The following MROH1 variants were observed in gnomAD, a reference collection of about 807,000 sequenced individuals.
The protein encoded by MROH1 is maestro heat like repeat family member 1.
A neutral mutation model predicts 116.5 loss-of-function variants in MROH1; 117 were observed. The ratio of observed to expected loss-of-function variants is 1.00; its 90% confidence interval spans 0.86 to 1.17. The LOEUF is 1.17. Ranked by LOEUF, MROH1 falls within the 50% of genes most tolerant of loss-of-function variation. MROH1 has a pLI of 0.00. For synonymous variants in MROH1, 921 were observed against 583.9 expected, an observed-to-expected ratio of 1.58 and a Z score of -8.32; for missense variants, 1,873 against 1,338.5, an observed-to-expected ratio of 1.40 and a Z score of -6.23.
At chr8:144,228,437 G>A (rs918833182) in intron 14 of MROH1, among the ~76,000 whole-genome samples, 4 of 152,174 alleles carry the variant, frequency 2.6e-5, no homozygotes, top group East Asian at 1.9e-4. Flanking sequence ...GATCAGGGCG[G>A]TGGTTGCTGA....
chr8:144,224,780 C>G (rs1228367888), intron 14 of MROH1, among the ~76,000 whole-genome samples: 1 of 152,120 alleles, frequency 6.6e-6, no homozygotes, highest in Non-Finnish European at 1.5e-5. Flanking sequence ...AGGGGGTGAG[C>G]GGCAGCGGCA....
At chr8:144,237,640 G>C (rs1189255835) in intron 14 of MROH1, among the ~76,000 whole-genome samples, 1 of 152,162 alleles carries the variant, frequency 6.6e-6, no homozygotes, top group African/African-American at 2.4e-5. Context: ...TCGGCAGCCT[G>C]TTCTTCCAAG....
chr8:144,239,624 C>A lies in MROH1; in HGVS notation c.1643C>A (p.Ser548Tyr). ...AVTGRLLVVS[S>Y]SPYLGDGRGA... ...GCTGCCTCTTTTCAGGTTGTGTCTT[C>A]CAGCCCCTACCTAGGGGACGGACGT... The change falls in exon 18 of 44, where the codon TCC becomes TAC. Residue 548 changes from serine to tyrosine, a missense_variant. Physicochemically the swap from Ser to Tyr is moderately radical, Grantham distance 144 (BLOSUM62 -2). Coordinates refer to ENST00000326134, the MANE Select transcript of MROH1 (RefSeq NM_032450.3). 1 of 771,622 alleles carries A rather than the reference C, an allele frequency of 1.3e-6. No homozygotes were observed. The highest frequency in any genetic ancestry group is 2.4e-5 in the East Asian group (1 of 40,926). The allele number at this position is 771,622 out of a possible 1,614,324, so 47.8% of individuals were successfully genotyped here.
rs1046890486 is a variant in MROH1, at chr8:144,174,834, A to G, written c.169-4621A>G. ...TCCTATGCCTTTTTCATGGGTTCCT[A>G]TGTTTTCCAGTTGCATAACCCATTG... On this transcript the variant is annotated intron_variant, in intron 4 of 43. Coordinates refer to ENST00000326134, the MANE Select transcript of MROH1 (RefSeq NM_032450.3). 1.7e-5 allele frequency: 17 copies of G among 984,986 alleles called. No homozygotes were observed. The African/African-American group carries it at 2.3e-4, about 13-fold the overall frequency. 61.0% of individuals were successfully genotyped at this position (984,986 alleles called of 1,614,324 possible). A position where few individuals can be genotyped will look rare whatever the true frequency, so the allele number is the denominator to read the frequency against.
At position 144,181,504 on chromosome 8, in the gene MROH1, C is replaced by A. The variant is rs546981756; in HGVS notation, c.562+981C>A. Reference sequence around the variant, plus strand: ...CCTGCCACCCTCTCCTCAGCCCTTGCGCTCCGTCTCTCCTGGCCCTGCTCT... The same window carrying A: ...CCTGCCACCCTCTCCTCAGCCCTTGAGCTCCGTCTCTCCTGGCCCTGCTCT... On this transcript the variant is annotated intron_variant, in intron 7 of 43. Coordinates refer to ENST00000326134, the MANE Select transcript of MROH1 (RefSeq NM_032450.3). Among the ~76,000 whole-genome samples, 3 of 152,290 alleles carry A rather than the reference C, an allele frequency of 2.0e-5. No homozygotes were observed. In the South Asian group the frequency reaches 6.2e-4, roughly 32 times the overall value.
intron 20 of MROH1, 146 bp downstream of exon 20, chr8:144,240,823 G>A (rs1300838965): frequency 1.8e-5 from 12 of 678,060 alleles, no homozygotes; most frequent in Non-Finnish European, 3.0e-5. Context: ...CCAGGAGTGC[G>A]AGAGCCCACC....
At position 144,182,017 on chromosome 8, in the gene MROH1, G is replaced by A. The variant is rs748227895; in HGVS notation, c.562+1494G>A. ...TGTCAAACACATGGGTTCAGCCAGC[G>A]AAGATTCCATGGGACCTCCTCGTGT... On this transcript the variant is annotated intron_variant, in intron 7 of 43. Coordinates refer to ENST00000326134, the MANE Select transcript of MROH1 (RefSeq NM_032450.3). The surrounding 1 kb of genome is among the most constrained non-coding windows in gnomAD (Gnocchi z 4.1). Among the ~76,000 whole-genome samples the A allele has an allele frequency of 2.0e-5, 3 of 152,236 alleles. No individual in the cohort carries two copies. The highest frequency in any genetic ancestry group is 2.9e-5 in the Non-Finnish European group (2 of 68,042).
intron 4 of MROH1, among the ~76,000 whole-genome samples, chr8:144,178,855 G>A (rs1401601941): frequency 6.6e-6 from 1 of 152,218 alleles, no homozygotes; most frequent in East Asian, 1.9e-4. Context: ...GGCAAGGACA[G>A]TGTGTGCTCT....
chr8:144,204,704 G>A (rs1341593236), intron 12 of MROH1, among the ~76,000 whole-genome samples: 1 of 152,204 alleles, frequency 6.6e-6, no homozygotes, highest in Non-Finnish European at 1.5e-5. Flanking sequence ...TTCTCTTGGT[G>A]AAATTTATAC....
At chr8:144,152,573 G>A (rs1306202732) in intron 1 of MROH1, among the ~76,000 whole-genome samples, 1 of 137,464 alleles carries the variant, frequency 7.3e-6, no homozygotes, top group African/African-American at 3.4e-5. Flanking sequence ...TTTTGAGACA[G>A]TCTCGCTCTG....
chr8:144,177,468 C>T (rs1474829712), intron 4 of MROH1, among the ~76,000 whole-genome samples: 1 of 152,234 alleles, frequency 6.6e-6, no homozygotes, highest in African/African-American at 2.4e-5. Flanking sequence ...GACCTTGTCA[C>T]GCTTTCCTTC....
At chr8:144,249,346 G>T (rs950678015) in intron 32 of MROH1, among the ~76,000 whole-genome samples, 1 of 152,194 alleles carries the variant, frequency 6.6e-6, no homozygotes, top group Non-Finnish European at 1.5e-5. Flanking sequence ...GGGTGAAAGC[G>T]CTCATGTTTC....
intron 3 of MROH1, among the ~76,000 whole-genome samples, chr8:144,164,981 CTTTG>C (rs763363345): frequency 5.7e-4 from 87 of 151,870 alleles, no homozygotes; most frequent in Non-Finnish European, 9.6e-4. Context: ...TCCTTCAAGC[CTTTG>C]TTTGTTTGTT....
intron 5 of MROH1, 81 bp downstream of exon 5, chr8:144,179,667 G>T: frequency 1.3e-6 from 2 of 1,525,404 alleles, no homozygotes; most frequent in African/African-American, 1.4e-5. Context: ...CTACCCAGCA[G>T]CCTTGAGAGT....
rs548508911 is a variant in MROH1 at position 144,175,228 on chromosome 8, C to T, written c.169-4227C>T. On this transcript the variant is annotated intron_variant, in intron 4 of 43. Transcript: ENST00000326134. ...TAAATGCCCTGCTGCACCCAAGCTGCCCCTCCCAGCAGCGGGTCCGGTCGG... is the reference window on the plus strand; with the variant it reads ...TAAATGCCCTGCTGCACCCAAGCTGTCCCTCCCAGCAGCGGGTCCGGTCGG... The T allele has an allele frequency of 3.3e-6, 3 of 915,198 alleles. No homozygotes were observed. The East Asian group carries it at 3.5e-4, about 108-fold the overall frequency. 56.7% of individuals were successfully genotyped at this position (915,198 alleles called of 1,614,324 possible). A position where few individuals can be genotyped will look rare whatever the true frequency, so the allele number is the denominator to read the frequency against.
rs2130867298 is a variant in MROH1, at chr8:144,163,429, C to T, written c.-56-342C>T. 6.6e-6 allele frequency among the ~76,000 whole-genome samples: 1 copy of T among 152,250 alleles called. No homozygotes were observed. Among genetic ancestry groups the T allele is most frequent in the Non-Finnish European group, 1.5e-5 (1 of 68,022 alleles). ...AAAGCTGTGGTGCCCGTGCTCAGTT[C>T]CTCACAGTGTGGAGGAGGATGCTGT... On this transcript the variant is annotated intron_variant, in intron 2 of 43. Transcript: ENST00000326134. The surrounding 1 kb of genome is among the most constrained non-coding windows in gnomAD (Gnocchi z 4.4).
chr8:144,177,900 G>C (rs1376870179), intron 4 of MROH1, among the ~76,000 whole-genome samples: 1 of 151,852 alleles, frequency 6.6e-6, no homozygotes, highest in Non-Finnish European at 1.5e-5. Context: ...TTCCTGTACA[G>C]CCTGCAACTT....
chr8:144,161,392 G>T (rs893451785), intron 2 of MROH1, among the ~76,000 whole-genome samples: 1 of 152,190 alleles, frequency 6.6e-6, no homozygotes, highest in Non-Finnish European at 1.5e-5. Flanking sequence ...GGTCTCTAAA[G>T]TTCTCTCTGG....
intron 12 of MROH1, among the ~76,000 whole-genome samples, chr8:144,212,083 T>TGTTTGTTA (rs1371635099): frequency 6.6e-6 from 1 of 151,536 alleles, no homozygotes; most frequent in African/African-American, 2.4e-5. Context: ...TTTTTTTGTT[T>TGTTTGTTA]GTTTGTTTGT....
Sources: allele counts gnomAD v4.1 joint callset (sites outside exome capture counted in the v4.1 genomes callset), GRCh38; gene constraint gnomAD v4.1.1; non-coding constraint Gnocchi (gnomAD v3.1); transcripts MANE v1.5; gene names NCBI Gene and HGNC (gene_info 2026-07-23, HGNC 2026-07-21).